PDE1C: variants seen among roughly 807,000 people sequenced by gnomAD.
The protein encoded by PDE1C is dual specificity calcium/calmodulin-dependent 3',5'-cyclic nucleotide phosphodiesterase 1C.
Under a neutral mutation model 93.1 loss-of-function variants are expected in PDE1C, and 62 were observed. The observed-to-expected ratio is 0.67, with a 90% CI of 0.54 to 0.82. The LOEUF is 0.82. Among genes scored for constraint, PDE1C ranks in the 40% least tolerant of loss-of-function variants. The pLI is 0.00. For synonymous variants in PDE1C, 325 were observed against 310.1 expected (o/e 1.05, Z -0.50); for missense variants, 742 against 884.6 (o/e 0.84, Z 2.04).
At chr7:32,001,367 G>A (rs10951314) in intron 2 of PDE1C, among the ~76,000 whole-genome samples, 42,495 of 152,048 alleles carry the variant, frequency 0.28, 6,176 homozygotes, top group African/African-American at 0.33. Flanking sequence ...ATAAAAGTAC[G>A]TATTTCTGAT....
At chr7:32,157,871 A>C (rs1299078586) in intron 3 of PDE1C, among the ~76,000 whole-genome samples, 1 of 152,210 alleles carries the variant, frequency 6.6e-6, no homozygotes, top group Non-Finnish European at 1.5e-5. Context: ...AAGTTTAAAT[A>C]TTGTCAAAAT....
the PDE1C span, among the ~76,000 whole-genome samples, chr7:31,659,615 C>A: frequency 6.6e-6 from 1 of 152,202 alleles, no homozygotes; most frequent in East Asian, 1.9e-4. Flanking sequence ...TCCATTTAAT[C>A]TGAATAAATG....
At position 31,917,777 on chromosome 7, in the gene PDE1C, G is replaced by A. The variant is rs536264136; in HGVS notation, c.129-36917C>T. Reference sequence around the variant, plus strand: ...CAAATAATCACACTCTTCAAAGTAAGATATTCCTATATAATCATGATGCTT... The same window carrying A: ...CAAATAATCACACTCTTCAAAGTAAAATATTCCTATATAATCATGATGCTT... On this transcript the variant is annotated intron_variant, in intron 2 of 17. Transcript: ENST00000396191. Among the ~76,000 whole-genome samples, 24 of 152,270 alleles carry A rather than the reference G, an allele frequency of 1.6e-4. No individual in the cohort carries two copies. In the South Asian group the frequency reaches 5.0e-3, roughly 32 times the overall value.
At chr7:32,290,582 C>CAG (rs1255453774) in intron 1 of PDE1C, among the ~76,000 whole-genome samples, 1 of 152,164 alleles carries the variant, frequency 6.6e-6, no homozygotes, top group African/African-American at 2.4e-5. Flanking sequence ...CCCCCAGCCA[C>CAG]AGAGATAGGA....
At chr7:31,725,302 G>A in the PDE1C span, among the ~76,000 whole-genome samples, 1 of 152,250 alleles carries the variant, frequency 6.6e-6, no homozygotes, top group East Asian at 1.9e-4. Flanking sequence ...CCACAATACA[G>A]GCAAACAACA....
the PDE1C span, among the ~76,000 whole-genome samples, chr7:31,634,363 A>G: frequency 6.6e-6 from 1 of 152,222 alleles, no homozygotes; most frequent in Non-Finnish European, 1.5e-5. Flanking sequence ...TGCAGCAAAA[A>G]TTTACATATA....
At chr7:32,402,449 T>G (rs1583420581) in intron 1 of PDE1C, among the ~76,000 whole-genome samples, 1 of 151,940 alleles carries the variant, frequency 6.6e-6, no homozygotes, top group Non-Finnish European at 1.5e-5. Flanking sequence ...GCCCTGATTT[T>G]CAAGGGCAAG....
intron 1 of PDE1C, among the ~76,000 whole-genome samples, chr7:32,288,783 C>T (rs927134569): frequency 2.6e-5 from 4 of 152,148 alleles, no homozygotes; most frequent in East Asian, 1.9e-4. Flanking sequence ...AATCCTATGG[C>T]GTTAATGTGT....
intron 3 of PDE1C, among the ~76,000 whole-genome samples, chr7:32,077,561 T>A (rs73098677): frequency 0.11 from 17,498 of 152,162 alleles, 1,074 homozygotes; most frequent in Non-Finnish European, 0.13. Flanking sequence ...TTTACTTTTT[T>A]AATTTATTTT....
At chr7:32,328,743 T>C (rs1303528616) in intron 1 of PDE1C, among the ~76,000 whole-genome samples, 1 of 152,144 alleles carries the variant, frequency 6.6e-6, no homozygotes, top group East Asian at 1.9e-4. Context: ...GCCTCCATTA[T>C]CAACAGTGAA....
At chr7:32,357,529 T>C (rs561034558) in intron 1 of PDE1C, among the ~76,000 whole-genome samples, 1 of 152,322 alleles carries the variant, frequency 6.6e-6, no homozygotes, top group Admixed American at 6.5e-5. Context: ...TAATGGACTT[T>C]GGAGGAACTA....
chr7:31,697,834 CTAATA>C, the PDE1C span, among the ~76,000 whole-genome samples: 3 of 152,076 alleles, frequency 2.0e-5, no homozygotes, highest in Non-Finnish European at 2.9e-5. Context: ...AATTAACTGA[CTAATA>C]TAATAGAGAG....
chr7:31,773,486 A>C (rs1173758536), intron 17 of PDE1C, among the ~76,000 whole-genome samples: 1 of 151,922 alleles, frequency 6.6e-6, no homozygotes, highest in Non-Finnish European at 1.5e-5. Context: ...AAACACCATC[A>C]CTTCACACTG....
upstream of PDE1C, chr7:32,071,382 A>T: frequency 1.0e-6 from 1 of 985,452 alleles, no homozygotes; most frequent in Non-Finnish European, 1.2e-6. Flanking sequence ...GAAGCGACTG[A>T]TGGGGACGAA....
At chr7:32,265,955 G>A (rs924850509) in intron 1 of PDE1C, among the ~76,000 whole-genome samples, 1 of 133,784 alleles carries the variant, frequency 7.5e-6, no homozygotes, top group African/African-American at 2.7e-5. Flanking sequence ...GAGGGAAGGA[G>A]AATAATACCA....
chr7:31,659,820 C>A, the PDE1C span, among the ~76,000 whole-genome samples: 1 of 152,152 alleles, frequency 6.6e-6, no homozygotes, highest in African/African-American at 2.4e-5. Context: ...CTATTTTATT[C>A]ACCTTTTTAG....
intron 1 of PDE1C, among the ~76,000 whole-genome samples, chr7:32,320,620 CAT>C (rs3138797): frequency 7.7e-6 from 1 of 129,882 alleles, no homozygotes; most frequent in African/African-American, 3.0e-5. Context: ...TAGGCACACA[CAT>C]ACACACACAC....
At chr7:31,876,117 T>C (rs1421567732) in intron 5 of PDE1C, among the ~76,000 whole-genome samples, 1 of 152,038 alleles carries the variant, frequency 6.6e-6, no homozygotes, top group African/African-American at 2.4e-5. Flanking sequence ...CAAAAGAGTC[T>C]ATATCTGTGA....
chr7:31,968,532 G>A (rs1810397163), intron 2 of PDE1C, among the ~76,000 whole-genome samples: 1 of 151,896 alleles, frequency 6.6e-6, no homozygotes, highest in Admixed American at 6.5e-5. Flanking sequence ...TGGCCATACT[G>A]CCCAAGGTAA....
Sources: allele counts gnomAD v4.1 joint callset (sites outside exome capture counted in the v4.1 genomes callset), GRCh38; gene constraint gnomAD v4.1.1; transcripts MANE v1.5; gene names NCBI Gene and HGNC (gene_info 2026-07-23, HGNC 2026-07-21).